The following KIFC1 variants were observed in gnomAD, a reference collection of about 807,000 sequenced individuals.
The protein encoded by KIFC1 is kinesin family member C1, also known as kinesin-like protein KIFC1.
A neutral mutation model predicts 66.6 loss-of-function variants in KIFC1; 37 were observed. That is an observed-to-expected ratio of 0.56 (90% CI 0.43 to 0.73). The LOEUF (loss-of-function observed/expected upper bound fraction) is 0.73, where lower values mean the gene tolerates loss of function less well. Among genes scored for constraint, KIFC1 ranks in the 30% least tolerant of loss-of-function variants. The pLI is 0.00. For synonymous variants in KIFC1, 325 were observed against 343.5 expected (o/e 0.95, Z 0.60); for missense variants, 721 against 859.8 (o/e 0.84, Z 2.02).
intron 3 of KIFC1, 21 bp downstream of exon 3, chr6:33,398,408 G>A (rs1775204301): frequency 2.0e-6 from 3 of 1,521,154 alleles, no homozygotes; most frequent in Non-Finnish European, 1.8e-6. Flanking sequence ...AGGATGGATA[G>A]ACTCCAAGGA....
rs1005430281 is a variant in KIFC1, at chr6:33,400,678, G to A, written c.250+2291G>A. 12 of 603,868 alleles carry A rather than the reference G, an allele frequency of 2.0e-5. No individual in the cohort carries two copies. Among genetic ancestry groups the A allele is most frequent in the Non-Finnish European group, 3.5e-5 (12 of 339,926 alleles). The allele number at this position is 603,868 out of a possible 1,614,324, so 37.4% of individuals were successfully genotyped here. ...TCTTTTTTTTTTGAGATGGAGTCTC[G>A]CTCTGTCGCCCAGGCTGGAGTGCAG... On this transcript the variant is annotated intron_variant, in intron 3 of 10. Coordinates refer to ENST00000428849, the MANE Select transcript of KIFC1 (RefSeq NM_002263.4). The surrounding 1 kb of genome is among the most constrained non-coding windows in gnomAD (Gnocchi z 4.3).
At position 33,405,157 on chromosome 6, in the gene KIFC1, C is replaced by T. The variant is rs567076351; in HGVS notation, c.1062C>T (p.Asp354=). 8.1e-6 allele frequency: 13 copies of T among 1,614,010 alleles called. No individual in the cohort carries two copies. Among genetic ancestry groups the T allele is most frequent in the Admixed American group, 3.3e-5 (2 of 60,014 alleles). ...CCCGCCTTAGCCTCTCCCGGTCTGA[C>T]GAGCGGCGTGGGACCCTGAGTGGGG... The part of the protein sequence containing the change: ...PPTRLSLSRS[D]ERRGTLSGAP... The change falls in exon 7 of 11, where the codon GAC becomes GAT. Residue 354 remains aspartate, a synonymous_variant. Coordinates refer to ENST00000428849, the MANE Select transcript of KIFC1 (RefSeq NM_002263.4). The surrounding 1 kb of genome is among the most constrained non-coding windows in gnomAD (Gnocchi z 5.4).
Position 33,400,549 on chromosome 6 carries a change from G to T in KIFC1, c.250+2162G>T. The T allele has an allele frequency of 6.9e-7, 1 of 1,439,904 alleles. No individual in the cohort carries two copies. Among genetic ancestry groups the T allele is most frequent in the East Asian group, 2.3e-5 (1 of 43,230 alleles). 89.2% of individuals were successfully genotyped at this position (1,439,904 alleles called of 1,614,324 possible). A position where few individuals can be genotyped will look rare whatever the true frequency, so the allele number is the denominator to read the frequency against. On this transcript the variant is annotated intron_variant, in intron 3 of 10. Coordinates refer to ENST00000428849, the MANE Select transcript of KIFC1 (RefSeq NM_002263.4). This position sits in a 1 kb window ranked among gnomAD's most constrained non-coding sequence, Gnocchi z 4.3. Reference sequence around the variant, plus strand: ...CTTGATCTCGTTGGGGTCGAACTTCGGTGGCATGGTGGAGGCAGCTGGTGT... The same window carrying T: ...CTTGATCTCGTTGGGGTCGAACTTCTGTGGCATGGTGGAGGCAGCTGGTGT...
chr6:33,396,604 G>C (rs551578517), intron 1 of KIFC1, among the ~76,000 whole-genome samples: 1 of 151,464 alleles, frequency 6.6e-6, no homozygotes, highest in South Asian at 2.1e-4. Flanking sequence ...CATCTGGTTC[G>C]CTAAGGTGGA....
chr6:33,391,632 A>C, upstream of KIFC1: 1 of 467,838 alleles, frequency 2.1e-6, no homozygotes, highest in South Asian at 2.1e-5. Flanking sequence ...AGGGGTGAGA[A>C]GCATAAGTGG....
Position 33,403,365 on chromosome 6 carries a change from C to T in KIFC1, c.302C>T (p.Thr101Ile). Residue 101 changes from threonine (T) to isoleucine (I), a missense_variant and splice_region_variant, in exon 4 of 11, where the codon ACA (threonine) becomes ATA (isoleucine). Coordinates refer to ENST00000428849, the MANE Select transcript of KIFC1 (RefSeq NM_002263.4). The surrounding 1 kb of genome is among the most constrained non-coding windows in gnomAD (Gnocchi z 4.6). ...CCCCGGTGTTCCACAGCTATTGCCA[C>T]AGGTAACTGTGCTCAAGAGCTGGGT... ...TGPRCSTAIA[T>I]GLKNQKPVPA... The T allele has an allele frequency of 6.2e-7, 1 of 1,614,060 alleles. No homozygotes were observed. Among genetic ancestry groups the T allele is most frequent in the Non-Finnish European group, 8.5e-7 (1 of 1,179,926 alleles).
chr6:33,404,969 G>A lies in KIFC1; in HGVS notation c.874G>A (p.Gly292Arg). ...GACTGAGCGGGAAGAACGTCTTCAT[G>A]GGCTAGAAATGGAGCGCCGGCGACT... ...LLTEREERLH[G>R]LEMERRRLHN... is the part of the protein sequence containing the mutation. Residue 292 changes from glycine to arginine, a missense_variant, in exon 7 of 11, where the codon GGG becomes AGG. Physicochemically the swap from Gly to Arg is moderately radical, Grantham distance 125. Transcript: ENST00000428849. The surrounding 1 kb of genome is among the most constrained non-coding windows in gnomAD (Gnocchi z 4.0). The A allele has an allele frequency of 6.2e-7, 1 of 1,614,132 alleles. No homozygotes were observed. Among genetic ancestry groups the A allele is most frequent in the Non-Finnish European group, 8.5e-7 (1 of 1,180,038 alleles).
At chr6:33,399,507 A>G (rs1352134569) in intron 3 of KIFC1, among the ~76,000 whole-genome samples, 1 of 151,764 alleles carries the variant, frequency 6.6e-6, no homozygotes, top group Non-Finnish European at 1.5e-5. Context: ...TGGAAACATC[A>G]TAGAATGTAC....
intron 1 of KIFC1, among the ~76,000 whole-genome samples, chr6:33,394,570 C>CT (rs992277639): frequency 2.0e-5 from 3 of 152,160 alleles, no homozygotes; most frequent in Admixed American, 2.0e-4. Flanking sequence ...CAACTTCTAC[C>CT]TCCCAGCTTC....
At chr6:33,399,928 C>T (rs891475762) in intron 3 of KIFC1, 1 of 558,890 alleles carries the variant, frequency 1.8e-6, no homozygotes, top group Non-Finnish European at 3.2e-6. Flanking sequence ...TTTACTATAA[C>T]TATTTTACTT....
At chr6:33,398,000 A>G (rs1259248424) in intron 1 of KIFC1, 29 bp from the exon 2 acceptor site, 15 of 1,609,904 alleles carry the variant, frequency 9.3e-6, no homozygotes, top group Non-Finnish European at 1.2e-5. Flanking sequence ...GCTCCTGGGT[A>G]TTGTCTTAAG....
Position 33,391,889 on chromosome 6 carries a change from T to G in KIFC1, c.-97T>G, listed in dbSNP as rs1774799333. ...CCGGAGCCGTGCGAGTTCTCTACCC[T>G]GCTTCGCGAGCGGGCGAGAGAACGC... On this transcript the variant is annotated 5_prime_UTR_variant, in exon 1 of 11. Coordinates refer to ENST00000428849, the MANE Select transcript of KIFC1 (RefSeq NM_002263.4). The G allele has an allele frequency of 6.7e-7, 1 of 1,485,192 alleles. No individual in the cohort carries two copies. Among genetic ancestry groups the G allele is most frequent in the African/African-American group, 1.4e-5 (1 of 72,666 alleles). 92.0% of individuals were successfully genotyped at this position (1,485,192 alleles called of 1,614,324 possible). A position where few individuals can be genotyped will look rare whatever the true frequency, so the allele number is the denominator to read the frequency against.
Position 33,405,138 on chromosome 6 carries a change from T to A in KIFC1, c.1043T>A (p.Leu348His). ...GGGCCCTCTGATCCTCCAACCCGCC[T>A]TAGCCTCTCCCGGTCTGACGAGCGG... ...PGGPSDPPTRLSLSRSDERRG... is the reference protein window; with the variant it reads ...PGGPSDPPTRHSLSRSDERRG... The change falls in exon 7 of 11, where the codon CTT (leucine) becomes CAT (histidine). Residue 348 changes from leucine to histidine, a missense_variant. By Grantham distance (99) the Leu-to-His change is moderately conservative. Transcript: ENST00000428849. This position sits in a 1 kb window ranked among gnomAD's most constrained non-coding sequence, Gnocchi z 5.4. 1 of 1,614,126 alleles carries A rather than the reference T, an allele frequency of 6.2e-7. No homozygotes were observed. Among genetic ancestry groups the A allele is most frequent in the Non-Finnish European group, 8.5e-7 (1 of 1,180,030 alleles).
At chr6:33,407,267 G>A (rs1258014341) in intron 10 of KIFC1, among the ~76,000 whole-genome samples, 2 of 152,064 alleles carry the variant, frequency 1.3e-5, no homozygotes, top group African/African-American at 2.4e-5. Flanking sequence ...AAATTAGCTG[G>A]GTGTAATGGC....
chr6:33,404,723 T>C lies in KIFC1; in HGVS notation c.757-129T>C. The C allele has an allele frequency of 1.3e-6, 1 of 795,656 alleles. No individual in the cohort carries two copies. Among genetic ancestry groups the C allele is most frequent in the South Asian group, 1.8e-5 (1 of 55,788 alleles). 49.3% of individuals were successfully genotyped at this position (795,656 alleles called of 1,614,324 possible). ...ATGATTCCTTATTTTCTCATCTTTC[T>C]TTGTTTACCAGACTTTGAGGTCCTT... is the stretch of plus-strand genomic sequence containing the variant. On this transcript the variant is annotated intron_variant, in intron 6 of 10. Coordinates refer to ENST00000428849, the MANE Select transcript of KIFC1 (RefSeq NM_002263.4). The surrounding 1 kb of genome is among the most constrained non-coding windows in gnomAD (Gnocchi z 4.0).
Position 33,406,393 on chromosome 6 carries a change from C to G in KIFC1, c.1734C>G (p.Leu578=). ...AGCGACTTGACCCCGGCTTAGCCCTCGGCCCCGGGGAGCGGGAACGCCTTC... is the reference window on the plus strand; with the variant it reads ...AGCGACTTGACCCCGGCTTAGCCCTGGGCCCCGGGGAGCGGGAACGCCTTC... ...GSERLDPGLA[L]GPGERERLRE... is the part of the protein sequence containing the mutation. The change falls in exon 8 of 11, where the codon CTC becomes CTG. Residue 578 remains leucine (L), a synonymous_variant. Transcript: ENST00000428849. This position sits in a 1 kb window ranked among gnomAD's most constrained non-coding sequence, Gnocchi z 4.5. 1.2e-6 allele frequency: 2 copies of G among 1,612,086 alleles called. No homozygotes were observed. The highest frequency in any genetic ancestry group is 1.7e-6 in the Non-Finnish European group (2 of 1,178,494).
rs1175941108 is a variant in KIFC1 at position 33,396,394 on chromosome 6, CTG to C, written c.13-1631_13-1630del. Reference sequence around the variant, plus strand: ...AACAACTCTTCAGGTACTCAGATCTCTGTGTTATTTCTTTTCTTTTTCTTTTT... The same window carrying C: ...AACAACTCTTCAGGTACTCAGATCTCTGTTATTTCTTTTCTTTTTCTTTTT... On this transcript the variant is annotated intron_variant, in intron 1 of 10. Transcript: ENST00000428849. Among the ~76,000 whole-genome samples, 6 of 150,900 alleles carry C rather than the reference CTG, an allele frequency of 4.0e-5. No individual in the cohort carries two copies. In the East Asian group the frequency reaches 5.8e-4, roughly 15 times the overall value.
rs1775052434 is a variant in KIFC1 at position 33,396,555 on chromosome 6, AC to A, written c.13-1472del. 2.8e-5 allele frequency among the ~76,000 whole-genome samples: 4 copies of A among 144,982 alleles called. No individual in the cohort carries two copies. In the South Asian group the frequency reaches 8.6e-4, roughly 31 times the overall value. ...TGATCTGGGCCCAAGCCATCCTCCCACCTCAGCCTCCCTTGTAGCTGGGACC... is the reference window on the plus strand; with the variant it reads ...TGATCTGGGCCCAAGCCATCCTCCCACTCAGCCTCCCTTGTAGCTGGGACC... On this transcript the variant is annotated intron_variant, in intron 1 of 10. Transcript: ENST00000428849.
At position 33,405,600 on chromosome 6, in the gene KIFC1, C is replaced by A; in HGVS notation, c.1505C>A (p.Ala502Asp). ...AGTGAGGAGCTCACTGTCACCAATG[C>A]TCGATATGTCCCTGTCTCCTGTGAG... ...PGSEELTVTNARYVPVSCEKE... is the reference protein window; with the variant it reads ...PGSEELTVTNDRYVPVSCEKE... Residue 502 changes from alanine (A) to aspartate (D), a missense_variant, in exon 7 of 11, where the codon GCT becomes GAT. By Grantham distance (126) the Ala-to-Asp change is moderately radical. Transcript: ENST00000428849. This position sits in a 1 kb window ranked among gnomAD's most constrained non-coding sequence, Gnocchi z 5.4. 6.5e-7 allele frequency: 1 copy of A among 1,539,398 alleles called. No individual in the cohort carries two copies. Among genetic ancestry groups the A allele is most frequent in the Non-Finnish European group, 8.7e-7 (1 of 1,146,664 alleles).
Sources: gnomAD v4.1 joint callset for allele counts (sites outside exome capture counted in the v4.1 genomes callset) on GRCh38, gnomAD v4.1.1 for gene constraint, Gnocchi (gnomAD v3.1) non-coding constraint, MANE v1.5 for transcripts, NCBI Gene and HGNC (gene_info 2026-07-23, HGNC 2026-07-21) for gene names.